The following PENK variants were observed in gnomAD, a reference collection of about 807,000 sequenced individuals.
PENK encodes proenkephalin-A.
A neutral mutation model predicts 24.1 loss-of-function variants in PENK; 25 were observed. That is an observed-to-expected ratio of 1.04 (90% CI 0.76 to 1.45). PENK has a LOEUF of 1.45. Ranked by LOEUF, PENK falls within the 40% of genes most tolerant of loss-of-function variation. PENK has a pLI of 0.00. For missense variants in PENK, 353 were observed against 337.9 expected (o/e 1.04, Z -0.35); for synonymous variants, 135 against 130.3 (o/e 1.04, Z -0.24).
intron 3 of PENK, chr8:56,443,898 G>A (rs376830748): frequency 3.2e-5 from 22 of 691,070 alleles, no homozygotes; most frequent in South Asian, 1.7e-4. Flanking sequence ...AACACTACAC[G>A]TGCCATTCCA....
chr8:56,444,658 T>C (rs9298552), intron 3 of PENK, among the ~76,000 whole-genome samples: 5,194 of 152,322 alleles, frequency 0.034, 127 homozygotes, highest in South Asian at 0.07. Context: ...CCTTCCTATG[T>C]GTCTTCTCTT....
At chr8:56,445,601 A>G (rs903357071) in intron 3 of PENK, 2 of 648,510 alleles carry the variant, frequency 3.1e-6, no homozygotes, top group Non-Finnish European at 5.5e-6. Flanking sequence ...GTCCCCAGAT[A>G]GTCGCGGATC....
intron 1 of PENK, 41 bp from the exon 2 acceptor site, chr8:56,446,522 G>C (rs1336215422): frequency 6.5e-6 from 1 of 153,430 alleles, no homozygotes; most frequent in Non-Finnish European, 1.4e-5. Flanking sequence ...GAGGGCGGGC[G>C]TCGGGGAGAA....
chr8:56,445,462 TCTTC>T (rs1804638261), intron 3 of PENK: 3 of 500,740 alleles, frequency 6.0e-6, no homozygotes, highest in Non-Finnish European at 7.1e-6. Context: ...GTGACAGCCA[TCTTC>T]CTTCTGACAG....
chr8:56,446,396 C>A, intron 2 of PENK, 30 bp downstream of exon 2: 1 of 177,558 alleles, frequency 5.6e-6, no homozygotes, highest in Non-Finnish European at 1.2e-5. Context: ...ACCCGCTCAG[C>A]AAAGACAAGC....
Position 56,445,043 on chromosome 8 carries a change from A to G in PENK, c.138+773T>C, listed in dbSNP as rs368031692. Among the ~76,000 whole-genome samples the G allele has an allele frequency of 5.9e-4, 89 of 151,400 alleles. 2 individuals are homozygous for G. The South Asian group carries it at 0.018, about 31-fold the overall frequency. ...TTGTCCTCAGCTTTTTCTTTCCCCA[A>G]CCCCCTGTAGTGCAGTGTATCTTTG... On this transcript the variant is annotated intron_variant, in intron 3 of 3. Coordinates refer to ENST00000451791, the MANE Select transcript of PENK (RefSeq NM_001135690.3).
chr8:56,441,479 C>T lies in PENK; in HGVS notation c.597G>A (p.Leu199=), dbSNP rs1177714975. The T allele has an allele frequency of 6.2e-7, 1 of 1,613,512 alleles. No homozygotes were observed. The highest frequency in any genetic ancestry group is 8.5e-7 in the Non-Finnish European group (1 of 1,179,914). ...TCTGCAGCTCTTTGGCTTCATCTTCCAGTTGGGGGCTTCTCTTTAAGCCTC... is the reference window on the plus strand; with the variant it reads ...TCTGCAGCTCTTTGGCTTCATCTTCTAGTTGGGGGCTTCTCTTTAAGCCTC... ...FMRGLKRSPQ[L]EDEAKELQKR... is the part of the protein sequence containing the mutation. Residue 199 remains leucine, a synonymous_variant, in exon 4 of 4, where the codon CTG becomes CTA. Transcript: ENST00000451791.
intron 2 of PENK, 194 bp from the exon 3 acceptor site, chr8:56,446,150 T>G: frequency 1.8e-5 from 11 of 604,552 alleles, no homozygotes; most frequent in Admixed American, 3.1e-5. Flanking sequence ...CGCCTCGCGG[T>G]TCCCGGGATG....
chr8:56,444,381 G>A (rs1482459981), intron 3 of PENK, among the ~76,000 whole-genome samples: 1 of 152,226 alleles, frequency 6.6e-6, no homozygotes, highest in Non-Finnish European at 1.5e-5. Context: ...ATGTTGAGCA[G>A]GCAAAGCTCA....
chr8:56,444,667 T>C (rs1804621112), intron 3 of PENK, among the ~76,000 whole-genome samples: 1 of 152,236 alleles, frequency 6.6e-6, no homozygotes, highest in African/African-American at 2.4e-5. Flanking sequence ...GTGTCTTCTC[T>C]TTAATGCCAA....
rs1804666669 is a variant in PENK at position 56,446,438 on chromosome 8, C to T, written c.-16G>A. On this transcript the variant is annotated 5_prime_UTR_variant, in exon 2 of 4. Transcript: ENST00000451791. The stretch of plus-strand genomic sequence containing the variant: ...CAAATTCACTCACGTTGACGCTGTT[C>T]GGATGGAGCAGGCCAATTGGAAAAG... 6.1e-6 allele frequency: 1 copy of T among 162,852 alleles called. No homozygotes were observed. 10.1% of individuals were successfully genotyped at this position (162,852 alleles called of 1,614,324 possible).
At chr8:56,445,631 G>A (rs1222358008) in intron 3 of PENK, 185 bp downstream of exon 3, 1 of 725,794 alleles carries the variant, frequency 1.4e-6, no homozygotes, top group Non-Finnish European at 2.4e-6. Context: ...AAGAGCCAGG[G>A]CAGGACTTCA....
At position 56,441,174 on chromosome 8, in the gene PENK, A is replaced by T. The variant is rs943682839; in HGVS notation, c.*98T>A. On this transcript the variant is annotated 3_prime_UTR_variant, in exon 4 of 4. Coordinates refer to ENST00000451791, the MANE Select transcript of PENK (RefSeq NM_001135690.3). ...TCCAGACAATGAAGTCAACTATACA[A>T]GGCAAGCAACACATGACAATAAAAC... The T allele has an allele frequency of 1.1e-5, 9 of 829,960 alleles. No individual in the cohort carries two copies. Among genetic ancestry groups the T allele is most frequent in the Non-Finnish European group, 1.6e-5 (8 of 516,002 alleles). 51.4% of individuals were successfully genotyped at this position (829,960 alleles called of 1,614,324 possible).
At chr8:56,445,367 AAC>A in intron 3 of PENK, 1 of 388,830 alleles carries the variant, frequency 2.6e-6, no homozygotes, top group Non-Finnish European at 4.6e-6. Flanking sequence ...AAATGTCACT[AAC>A]AAAAAATTAC....
intron 3 of PENK, among the ~76,000 whole-genome samples, chr8:56,444,413 G>C (rs1804615621): frequency 6.6e-6 from 1 of 152,204 alleles, no homozygotes; most frequent in East Asian, 1.9e-4. Flanking sequence ...ACTGGGCACA[G>C]GGAATTATGG....
At chr8:56,446,255 A>G (rs1031638678) in intron 2 of PENK, 171 bp downstream of exon 2, 5 of 412,392 alleles carry the variant, frequency 1.2e-5, no homozygotes, top group Non-Finnish European at 2.2e-5. Context: ...AACGCCGCAG[A>G]CCAGGGGCGA....
At chr8:56,442,455 C>T (rs1050544198) in intron 3 of PENK, among the ~76,000 whole-genome samples, 19 of 152,056 alleles carry the variant, frequency 1.2e-4, no homozygotes, top group South Asian at 4.1e-4. Flanking sequence ...AAAATGGTAT[C>T]GAGTATTCCT....
At position 56,445,907 on chromosome 8, in the gene PENK, G is replaced by C; in HGVS notation, c.47C>G (p.Pro16Arg). 6.2e-7 allele frequency: 1 copy of C among 1,612,526 alleles called. No individual in the cohort carries two copies. ...TLCTWLLLLGPGLLATVRAEC... is the reference protein window; with the variant it reads ...TLCTWLLLLGRGLLATVRAEC... Reference sequence around the variant, plus strand: ...GGCCCGCACGGTCGCCAGGAGCCCGGGGCCGAGCAACAGCAGCCAAGTGCA... The same window carrying C: ...GGCCCGCACGGTCGCCAGGAGCCCGCGGCCGAGCAACAGCAGCCAAGTGCA... Residue 16 changes from proline (P) to arginine (R), a missense_variant, in exon 3 of 4, where the codon CCC becomes CGC. By Grantham distance (103) the Pro-to-Arg change is moderately radical. Coordinates refer to ENST00000451791, the MANE Select transcript of PENK (RefSeq NM_001135690.3).
chr8:56,446,218 C>T (rs1327520525), intron 2 of PENK: 8 of 507,670 alleles, frequency 1.6e-5, no homozygotes, highest in Non-Finnish European at 2.8e-5. Context: ...CCTGGGCGTC[C>T]GCGGCCCAGG....
Sources: gnomAD v4.1 joint callset for allele counts (sites outside exome capture counted in the v4.1 genomes callset) on GRCh38, gnomAD v4.1.1 for gene constraint, MANE v1.5 for transcripts, NCBI Gene and HGNC (gene_info 2026-07-23, HGNC 2026-07-21) for gene names.